GALNTL5: variants seen among roughly 807,000 people sequenced by gnomAD.
The protein encoded by GALNTL5 is polypeptide N-acetylgalactosaminyltransferase like 5.
In GALNTL5, 44 loss-of-function variants were observed where a neutral mutation model predicts 51.0. The ratio of observed to expected loss-of-function variants is 0.86; its 90% CI spans 0.68 to 1.11. The LOEUF is 1.11. Among genes scored for constraint, GALNTL5 ranks in the 50% least tolerant of loss-of-function variants. The pLI, the probability that GALNTL5 is intolerant of heterozygous loss-of-function variation, is 0.00. For missense variants in GALNTL5, 528 were observed against 531.8 expected (o/e 0.99, Z 0.07); for synonymous variants, 192 against 182.8 (o/e 1.05, Z -0.41).
chr7:152,006,744 G>A, intron 6 of GALNTL5, among the ~76,000 whole-genome samples: 1 of 152,164 alleles, frequency 6.6e-6, no homozygotes, highest in South Asian at 2.1e-4. Flanking sequence ...TTGAACAAAT[G>A]AATGTAAACT....
chr7:152,008,951 T>C (rs1289570947), intron 7 of GALNTL5, among the ~76,000 whole-genome samples: 2 of 152,122 alleles, frequency 1.3e-5, no homozygotes, highest in Non-Finnish European at 2.9e-5. Flanking sequence ...ACAGGCAGAG[T>C]TGGAGAGTCA....
rs113051260 is a variant in GALNTL5, at chr7:152,008,807, C to T, written c.1026+863C>T. On this transcript the variant is annotated intron_variant, in intron 7 of 8. Transcript: ENST00000392800. Reference sequence around the variant, plus strand: ...TTTGGACGTAGGCATTATTTTATAACGCTCATGCCTTTGGCGCATTTTATT... The same window carrying T: ...TTTGGACGTAGGCATTATTTTATAATGCTCATGCCTTTGGCGCATTTTATT... 7.2e-5 allele frequency among the ~76,000 whole-genome samples: 11 copies of T among 152,016 alleles called. No homozygotes were observed. In the South Asian group the frequency reaches 1.2e-3, roughly 17 times the overall value.
At chr7:151,991,673 G>A (rs2081430508) in intron 5 of GALNTL5, among the ~76,000 whole-genome samples, 1 of 152,054 alleles carries the variant, frequency 6.6e-6, no homozygotes, top group Admixed American at 6.5e-5. Context: ...TGTATTTCTA[G>A]GCTAATCACG....
intron 8 of GALNTL5, among the ~76,000 whole-genome samples, chr7:152,015,340 C>T (rs2081794389): frequency 6.6e-6 from 1 of 151,454 alleles, no homozygotes; most frequent in Non-Finnish European, 1.5e-5. Context: ...CTTCTCCTTG[C>T]CCCGTCCCCA....
At chr7:151,964,551 C>A (rs1372661263) in intron 1 of GALNTL5, among the ~76,000 whole-genome samples, 1 of 152,168 alleles carries the variant, frequency 6.6e-6, no homozygotes, top group African/African-American at 2.4e-5. Context: ...CATGGTGTGG[C>A]TTGCTCCTCC....
At chr7:151,994,762 AT>A (rs55666718) in intron 5 of GALNTL5, among the ~76,000 whole-genome samples, 51,219 of 143,800 alleles carry the variant, frequency 0.36, 9,062 homozygotes, top group East Asian at 0.61. Context: ...CTTACCCCCA[AT>A]TTTTTTTTTT....
At chr7:151,964,522 C>G (rs1434396210) in intron 1 of GALNTL5, among the ~76,000 whole-genome samples, 1 of 152,178 alleles carries the variant, frequency 6.6e-6, no homozygotes, top group Non-Finnish European at 1.5e-5. Context: ...CACAAACTCT[C>G]TCTTTGCCTG....
intron 3 of GALNTL5, among the ~76,000 whole-genome samples, chr7:151,978,348 A>G (rs1285411140): frequency 6.6e-6 from 1 of 152,156 alleles, no homozygotes; most frequent in East Asian, 1.9e-4. Flanking sequence ...ATCTATCACC[A>G]TCTTTTTCTA....
At chr7:152,007,330 G>T (rs2081657536) in intron 6 of GALNTL5, among the ~76,000 whole-genome samples, 1 of 150,300 alleles carries the variant, frequency 6.7e-6, no homozygotes, top group African/African-American at 2.5e-5. Flanking sequence ...CTAAGTAAAA[G>T]TTATTGCCTA....
In GALNTL5 at chr7:151,983,048, A is replaced by T. The variant is rs1486177276; in HGVS notation, c.431A>T (p.Asn144Ile). The T allele has an allele frequency of 5.6e-6, 9 of 1,614,190 alleles. No homozygotes were observed. Among genetic ancestry groups the T allele is most frequent in the Non-Finnish European group, 7.6e-6 (9 of 1,180,008 alleles). ...PTASIVICFY[N>I]EECNALFQTM... is the part of the protein sequence containing the mutation. Reference sequence around the variant, plus strand: ...GCCAGCATTGTCATTTGCTTCTATAATGAAGAATGTAATGCCTTGTTTCAG... The same window carrying T: ...GCCAGCATTGTCATTTGCTTCTATATTGAAGAATGTAATGCCTTGTTTCAG... Residue 144 changes from asparagine (N) to isoleucine (I), a missense_variant, in exon 4 of 9, where the codon AAT (asparagine) becomes ATT (isoleucine). Coordinates refer to ENST00000392800, the MANE Select transcript of GALNTL5 (RefSeq NM_145292.4).
Position 152,003,745 on chromosome 7 carries a change from A to G in GALNTL5, c.908+782A>G, listed in dbSNP as rs2081610645. ...TTGAGTTATCTCAAAACTATTTTAAATAGTTACTTTTAGTAAGAAATAGCT... is the reference window on the plus strand; with the variant it reads ...TTGAGTTATCTCAAAACTATTTTAAGTAGTTACTTTTAGTAAGAAATAGCT... On this transcript the variant is annotated intron_variant, in intron 6 of 8. Coordinates refer to ENST00000392800, the MANE Select transcript of GALNTL5 (RefSeq NM_145292.4). Among the ~76,000 whole-genome samples the G allele has an allele frequency of 2.0e-5, 3 of 152,244 alleles. No homozygotes were observed. The South Asian group carries it at 6.2e-4, about 31-fold the overall frequency.
chr7:152,009,476 T>A (rs1395325069), intron 7 of GALNTL5, among the ~76,000 whole-genome samples: 1 of 152,236 alleles, frequency 6.6e-6, no homozygotes, highest in Admixed American at 6.5e-5. Flanking sequence ...TTGTTCTCAG[T>A]TTCCTTTGTA....
At chr7:152,013,528 C>T (rs991354150) in intron 7 of GALNTL5, among the ~76,000 whole-genome samples, 5 of 152,088 alleles carry the variant, frequency 3.3e-5, no homozygotes, top group Non-Finnish European at 7.4e-5. Flanking sequence ...GCCAGAATAG[C>T]TGAGTTGTGT....
At chr7:152,000,745 G>A (rs2081565831) in intron 5 of GALNTL5, among the ~76,000 whole-genome samples, 1 of 152,068 alleles carries the variant, frequency 6.6e-6, no homozygotes, top group Non-Finnish European at 1.5e-5. Flanking sequence ...CAAATCTCTT[G>A]CGCATTTTAA....
rs575652723 is a variant in GALNTL5 at position 152,015,625 on chromosome 7, T to G, written c.1176+832T>G. Among the ~76,000 whole-genome samples the G allele has an allele frequency of 6.6e-5, 10 of 152,122 alleles. No individual in the cohort carries two copies. In the South Asian group the frequency reaches 2.1e-3, roughly 32 times the overall value. ...CGCCCACCTCGGCCTTCCAAAGTGC[T>G]GGGATTTATAAGAGTGAGCCACCGT... On this transcript the variant is annotated intron_variant, in intron 8 of 8. Transcript: ENST00000392800.
chr7:151,965,704 C>T (rs972099891), intron 1 of GALNTL5, among the ~76,000 whole-genome samples: 1 of 152,008 alleles, frequency 6.6e-6, no homozygotes, highest in Non-Finnish European at 1.5e-5. Context: ...CATAGTGAGA[C>T]CTTGTCTATA....
intron 4 of GALNTL5, chr7:151,984,087 G>A (rs2081331777): frequency 6.6e-6 from 1 of 152,132 alleles, no homozygotes; most frequent in African/African-American, 2.4e-5. Context: ...TGCTCATAAA[G>A]CGCATTATTT....
At chr7:151,988,619 G>C (rs1314566089) in intron 5 of GALNTL5, among the ~76,000 whole-genome samples, 1 of 152,086 alleles carries the variant, frequency 6.6e-6, no homozygotes, top group African/African-American at 2.4e-5. Flanking sequence ...ACAATATGGA[G>C]AGCATCTTTT....
intron 8 of GALNTL5, among the ~76,000 whole-genome samples, chr7:152,016,913 C>T (rs543801411): frequency 1.2e-3 from 178 of 151,936 alleles, no homozygotes; most frequent in Non-Finnish European, 2.1e-3. Context: ...TGGTGGGCAC[C>T]TGTAATCCCA....
Sources: gnomAD v4.1 joint callset for allele counts (sites outside exome capture counted in the v4.1 genomes callset) on GRCh38, gnomAD v4.1.1 for gene constraint, MANE v1.5 for transcripts, NCBI Gene and HGNC (gene_info 2026-07-23, HGNC 2026-07-21) for gene names.